Variants in PDE1C observed in about 807,000 individuals in gnomAD.
The protein encoded by PDE1C is phosphodiesterase 1C.
PDE1C carries 62 observed loss-of-function variants against 93.1 expected under a neutral mutation model. That is an observed-to-expected ratio of 0.67 (90% confidence interval 0.54 to 0.82). The LOEUF (loss-of-function observed/expected upper bound fraction) is 0.82, where lower values mean the gene tolerates loss of function less well. PDE1C is among the 40% of genes least tolerant of loss of function. The pLI, the probability that PDE1C is intolerant of heterozygous loss-of-function variation, is 0.00. For missense variants in PDE1C, 742 were observed against 884.6 expected (o/e 0.84, Z 2.04); for synonymous variants, 325 against 310.1 (o/e 1.05, Z -0.50).
chr7:31,995,743 C>T lies in PDE1C; in HGVS notation c.128+55811G>A, dbSNP rs566770635. Among the ~76,000 whole-genome samples, 334 of 152,186 alleles carry T rather than the reference C, an allele frequency of 2.2e-3. 2 individuals carry two copies. Among genetic ancestry groups the T allele is most frequent in the Non-Finnish European group, 1.7e-3 (115 of 68,026 alleles). ...CAGAGTGAATGCTGCTGAGAGCTGA[C>T]GGGCCAACTGGTCTCCTAGCAAAGG... On this transcript the variant is annotated intron_variant, in intron 2 of 17. Transcript: ENST00000396191.
intron 3 of PDE1C, among the ~76,000 whole-genome samples, chr7:32,091,607 G>T (rs1216647612): frequency 6.6e-6 from 1 of 152,154 alleles, no homozygotes; most frequent in African/African-American, 2.4e-5. Flanking sequence ...AGTATGGCTG[G>T]TGGTTCAAGA....
chr7:32,300,512 C>T (rs1383308405), upstream of PDE1C, among the ~76,000 whole-genome samples: 1 of 152,192 alleles, frequency 6.6e-6, no homozygotes, highest in African/African-American at 2.4e-5. Context: ...TGGCTCTGCT[C>T]ACAGATAGAC....
chr7:32,242,206 T>C (rs1414801624), intron 1 of PDE1C, among the ~76,000 whole-genome samples: 4 of 152,132 alleles, frequency 2.6e-5, no homozygotes, highest in East Asian at 1.9e-4. Flanking sequence ...AAGGGAGTGA[T>C]TGTAATGGTA....
At chr7:32,083,814 C>T (rs1796872925) in intron 3 of PDE1C, among the ~76,000 whole-genome samples, 1 of 151,954 alleles carries the variant, frequency 6.6e-6, no homozygotes. Flanking sequence ...GAGATTTGGT[C>T]ACCACCAGGC....
chr7:32,417,347 C>T (rs1785295777), intron 1 of PDE1C, among the ~76,000 whole-genome samples: 1 of 151,908 alleles, frequency 6.6e-6, no homozygotes, highest in Non-Finnish European at 1.5e-5. Flanking sequence ...TAAAAACATC[C>T]CACTACTGCT....
intron 3 of PDE1C, among the ~76,000 whole-genome samples, chr7:32,113,919 A>T (rs1386205220): frequency 2.6e-5 from 4 of 152,184 alleles, no homozygotes; most frequent in African/African-American, 9.7e-5. Context: ...AACACAGCTA[A>T]CAAGGGATGT....
rs35138046 is a variant in PDE1C at position 32,113,236 on chromosome 7, AATATAT to A, written c.308+56543_308+56548del. On this transcript the variant is annotated intron_variant, in intron 3 of 18. Transcript: ENST00000396193. Reference sequence around the variant, plus strand: ...TATAAATATAAATATATTGTCCTTAAATATATATATATATATATATATATATATGGA... The same window carrying A: ...TATAAATATAAATATATTGTCCTTAAATATATATATATATATATATATGGA... Among the ~76,000 whole-genome samples the A allele has an allele frequency of 6.9e-3, 649 of 94,000 alleles. 36 individuals are homozygous for A. Among genetic ancestry groups the A allele is most frequent in the African/African-American group, 0.025 (558 of 21,944 alleles). 61.7% of individuals were successfully genotyped at this position (94,000 alleles called of 152,430 possible).
chr7:31,809,638 T>C (rs905852389), intron 15 of PDE1C, among the ~76,000 whole-genome samples: 2 of 152,088 alleles, frequency 1.3e-5, no homozygotes, highest in South Asian at 4.1e-4. Flanking sequence ...AGAACACGTG[T>C]CAAAAATGTA....
intron 2 of PDE1C, among the ~76,000 whole-genome samples, chr7:31,965,526 A>T (rs1377947520): frequency 2.0e-5 from 3 of 152,212 alleles, no homozygotes; most frequent in African/African-American, 7.2e-5. Flanking sequence ...CAAGTTAGGA[A>T]ACACTCTGCA....
the PDE1C span, among the ~76,000 whole-genome samples, chr7:31,702,207 A>T: frequency 6.5e-3 from 923 of 141,914 alleles, 8 homozygotes; most frequent in African/African-American, 0.023. Context: ...ACCCTTATTT[A>T]TTTTTTTTTT....
intron 1 of PDE1C, among the ~76,000 whole-genome samples, chr7:32,383,157 ACTT>A (rs1410360544): frequency 6.6e-6 from 1 of 152,218 alleles, no homozygotes; most frequent in Non-Finnish European, 1.5e-5. Flanking sequence ...CAAAACATGA[ACTT>A]CTCTTATGCT....
chr7:31,724,592 C>T, the PDE1C span, among the ~76,000 whole-genome samples: 1 of 152,180 alleles, frequency 6.6e-6, no homozygotes, highest in South Asian at 2.1e-4. Context: ...CCCAGTGCCC[C>T]ACAGCCCAGG....
At chr7:32,244,420 C>A (rs1487130606) in intron 1 of PDE1C, among the ~76,000 whole-genome samples, 2 of 152,194 alleles carry the variant, frequency 1.3e-5, no homozygotes, top group Non-Finnish European at 2.9e-5. Flanking sequence ...ACCAACTGCC[C>A]TGACCTAGCC....
At chr7:31,813,605 A>C (rs11974727) in intron 15 of PDE1C, among the ~76,000 whole-genome samples, 28,839 of 152,092 alleles carry the variant, frequency 0.19, 2,858 homozygotes, top group Middle Eastern at 0.34. Flanking sequence ...TAACAGGTAC[A>C]TAATAAATTT....
At chr7:32,035,205 A>T (rs928726878) in intron 2 of PDE1C, among the ~76,000 whole-genome samples, 4 of 152,068 alleles carry the variant, frequency 2.6e-5, no homozygotes, top group Non-Finnish European at 5.9e-5. Context: ...TCCAACCCTA[A>T]GACAAACGCC....
the PDE1C span, among the ~76,000 whole-genome samples, chr7:31,701,471 C>T: frequency 5.9e-5 from 9 of 152,162 alleles, no homozygotes; most frequent in African/African-American, 7.2e-5. Flanking sequence ...CTACTACTGG[C>T]GAAGATGCTG....
the PDE1C span, among the ~76,000 whole-genome samples, chr7:31,740,119 C>G: frequency 1.3e-5 from 2 of 151,740 alleles, no homozygotes; most frequent in Admixed American, 1.3e-4. Context: ...TGTCTTGCAC[C>G]TTTTGCTCTG....
intron 2 of PDE1C, among the ~76,000 whole-genome samples, chr7:31,994,227 C>A (rs936813433): frequency 6.6e-6 from 1 of 152,050 alleles, no homozygotes; most frequent in African/African-American, 2.4e-5. Context: ...GAGTAAGCCC[C>A]CAAATTTCCT....
intron 2 of PDE1C, among the ~76,000 whole-genome samples, chr7:31,914,264 G>C (rs1205032608): frequency 6.6e-6 from 1 of 152,150 alleles, no homozygotes; most frequent in Admixed American, 6.5e-5. Flanking sequence ...AGAAGGTAAA[G>C]ATTATCATGG....
Sources: gnomAD v4.1 joint callset for allele counts (sites outside exome capture counted in the v4.1 genomes callset) on GRCh38, gnomAD v4.1.1 for gene constraint, MANE v1.5 for transcripts, NCBI Gene and HGNC (gene_info 2026-07-23, HGNC 2026-07-21) for gene names.